TOGARAM1: variants seen among roughly 807,000 people sequenced by gnomAD.
TOGARAM1 encodes the protein TOG array regulator of axonemal microtubules 1.
In TOGARAM1, 100 loss-of-function variants were observed where a neutral mutation model predicts 166.6. That is an observed-to-expected ratio of 0.60 (90% CI 0.51 to 0.71). TOGARAM1 has a LOEUF of 0.71. TOGARAM1 is among the 30% of genes least tolerant of loss of function. The pLI, the probability that TOGARAM1 is intolerant of heterozygous loss-of-function variation, is 0.00. For synonymous variants in TOGARAM1, 758 were observed against 763.8 expected (o/e 0.99, Z 0.13); for missense variants, 2,029 against 2,102.7 (o/e 0.96, Z 0.69).
intron 16 of TOGARAM1, 71 bp downstream of exon 16, chr14:45,054,620 A>G: frequency 1.8e-6 from 2 of 1,138,568 alleles, no homozygotes; most frequent in Non-Finnish European, 2.5e-6. Flanking sequence ...GGATGTTTTC[A>G]TAAACTACCC....
At position 44,962,325 on chromosome 14, in the gene TOGARAM1, A is replaced by C; in HGVS notation, c.-97A>C. On this transcript the variant is annotated 5_prime_UTR_variant, in exon 1 of 20. Transcript: ENST00000361462. ...GAAGCTGTTCTTTTGCCTCTTCTGC[A>C]GCTTGGGGCTTGGAGAGGATCTGGA... The C allele has an allele frequency of 7.1e-7, 1 of 1,403,010 alleles. No individual in the cohort carries two copies. Among genetic ancestry groups the C allele is most frequent in the Non-Finnish European group, 9.4e-7 (1 of 1,066,854 alleles). 86.9% of individuals were successfully genotyped at this position (1,403,010 alleles called of 1,614,324 possible).
At chr14:45,069,111 T>C (rs779763269) in intron 18 of TOGARAM1, among the ~76,000 whole-genome samples, 1 of 152,090 alleles carries the variant, frequency 6.6e-6, no homozygotes, top group Non-Finnish European at 1.5e-5. Flanking sequence ...TCCTATAATC[T>C]CAGCCCTTTG....
chr14:45,024,034 C>T (rs962372933), intron 7 of TOGARAM1, among the ~76,000 whole-genome samples: 1 of 152,222 alleles, frequency 6.6e-6, no homozygotes, highest in Admixed American at 6.5e-5. Flanking sequence ...AGCCACCATG[C>T]CTGGCCCCAT....
intron 1 of TOGARAM1, among the ~76,000 whole-genome samples, chr14:44,991,518 TC>T (rs1210777781): frequency 1.3e-5 from 2 of 152,190 alleles, no homozygotes. Flanking sequence ...ACTCAATAGT[TC>T]CGTTTTTAGG....
chr14:44,994,917 T>C (rs1178582317), intron 1 of TOGARAM1, among the ~76,000 whole-genome samples: 1 of 152,242 alleles, frequency 6.6e-6, no homozygotes, highest in Non-Finnish European at 1.5e-5. Context: ...TCACCACATC[T>C]AGATTTGATT....
rs1343728074 is a variant in TOGARAM1 at position 45,028,031 on chromosome 14, A to G, written c.3505-145A>G. 1.3e-5 allele frequency: 7 copies of G among 545,746 alleles called. No individual in the cohort carries two copies. The Admixed American group carries it at 1.4e-4, about 11-fold the overall frequency. The allele number at this position is 545,746 out of a possible 1,614,324, so 33.8% of individuals were successfully genotyped here. A position where few individuals can be genotyped will look rare whatever the true frequency, so the allele number is the denominator to read the frequency against. On this transcript the variant is annotated intron_variant, in intron 9 of 19. Coordinates refer to ENST00000361462, the MANE Select transcript of TOGARAM1 (RefSeq NM_001308120.2). ...TTTTACATGTACTATATATACATAT[A>G]TATGTATGGGTATATTCTGTTTTCT... is the stretch of plus-strand genomic sequence containing the variant.
rs972405292 is a variant in TOGARAM1 at position 45,015,315 on chromosome 14, T to A, written c.3238+3240T>A. ...GCAAGAGCCTATCTCAAAAAATAAA[T>A]AAATAAATAAATAAATAAATAAATA... On this transcript the variant is annotated intron_variant, in intron 7 of 19. Coordinates refer to ENST00000361462, the MANE Select transcript of TOGARAM1 (RefSeq NM_001308120.2). Among the ~76,000 whole-genome samples, 180 of 119,738 alleles carry A rather than the reference T, an allele frequency of 1.5e-3. 2 individuals are homozygous for A. Among genetic ancestry groups the A allele is most frequent in the Non-Finnish European group, 2.1e-3 (124 of 58,616 alleles). The allele number at this position is 119,738 out of a possible 152,430, so 78.6% of individuals were successfully genotyped here.
intron 3 of TOGARAM1, among the ~76,000 whole-genome samples, chr14:45,003,461 AATAGTTTCCGTAAGT>A (rs1254419496): frequency 6.6e-6 from 1 of 152,064 alleles, no homozygotes; most frequent in African/African-American, 2.4e-5. Context: ...CAAATGTATG[AATAGTTTCCGTAAGT>A]ATAAATTGGC....
chr14:45,001,407 T>C (rs1419179885), intron 3 of TOGARAM1, among the ~76,000 whole-genome samples: 1 of 152,142 alleles, frequency 6.6e-6, no homozygotes, highest in East Asian at 1.9e-4. Flanking sequence ...ACAAATGGGA[T>C]CACATTTAGC....
chr14:44,970,588 T>G (rs1294247069), intron 1 of TOGARAM1, among the ~76,000 whole-genome samples: 1 of 152,148 alleles, frequency 6.6e-6, no homozygotes, highest in Non-Finnish European at 1.5e-5. Context: ...TGAAAAGCAG[T>G]GATGAGAGAG....
chr14:45,022,307 A>G (rs1594665126), intron 7 of TOGARAM1, among the ~76,000 whole-genome samples: 1 of 150,488 alleles, frequency 6.6e-6, no homozygotes, highest in Admixed American at 6.7e-5. Context: ...TATCTACCGA[A>G]ACTAGTAGAT....
At chr14:45,014,459 T>G (rs1380145816) in intron 7 of TOGARAM1, among the ~76,000 whole-genome samples, 2 of 152,184 alleles carry the variant, frequency 1.3e-5, no homozygotes. Flanking sequence ...TATTATTGAA[T>G]TCATTATATT....
At chr14:45,032,197 A>T (rs1881201094) in intron 10 of TOGARAM1, 26 bp from the exon 11 acceptor site, 1 of 1,583,760 alleles carries the variant, frequency 6.3e-7, no homozygotes, top group Non-Finnish European at 8.5e-7. Flanking sequence ...GTTCTCTCAT[A>T]GTTTATTTAA....
At chr14:44,981,638 T>C (rs977063240) in intron 1 of TOGARAM1, among the ~76,000 whole-genome samples, 25 of 152,294 alleles carry the variant, frequency 1.6e-4, no homozygotes, top group South Asian at 1.4e-3. Flanking sequence ...AAAAAAGTTA[T>C]ACATGCTCAT....
intron 1 of TOGARAM1, among the ~76,000 whole-genome samples, chr14:44,987,583 A>G (rs1886899399): frequency 6.6e-6 from 1 of 151,652 alleles, no homozygotes; most frequent in African/African-American, 2.4e-5. Flanking sequence ...TAGAATGGCA[A>G]TCATTAAAAA....
chr14:44,986,688 G>A (rs1218083658), intron 1 of TOGARAM1, among the ~76,000 whole-genome samples: 2 of 151,480 alleles, frequency 1.3e-5, no homozygotes, highest in African/African-American at 4.8e-5. Context: ...CTTTTACCAA[G>A]TGACTGAGGT....
intron 17 of TOGARAM1, among the ~76,000 whole-genome samples, chr14:45,067,764 ATAAG>A (rs1387730555): frequency 1.3e-5 from 2 of 152,130 alleles, no homozygotes; most frequent in Non-Finnish European, 2.9e-5. Context: ...AAAATAATAA[ATAAG>A]TATTAGAAAT....
chr14:45,007,398 T>C (rs568518722), intron 5 of TOGARAM1: 1 of 151,864 alleles, frequency 6.6e-6, no homozygotes, highest in Non-Finnish European at 1.5e-5. Flanking sequence ...AAGAAACATA[T>C]AGAAAAGACA....
In TOGARAM1 at chr14:45,073,487, G is replaced by A. The variant is rs1883474435; in HGVS notation, c.5248G>A (p.Ala1750Thr). Reference protein sequence around the residue: ...AQMGQNLLNQAASQPPHIKKS... With the variant: ...AQMGQNLLNQTASQPPHIKKS... ...GATGGGTCAGAATCTGTTAAATCAG[G>A]CTGCATCTCAACCACCACATATCAA... Residue 1750 changes from alanine (A) to threonine (T), a missense_variant, in exon 20 of 20, where the codon GCT becomes ACT. Coordinates refer to ENST00000361462, the MANE Select transcript of TOGARAM1 (RefSeq NM_001308120.2). 6.2e-7 allele frequency: 1 copy of A among 1,614,052 alleles called. No individual in the cohort carries two copies. Among genetic ancestry groups the A allele is most frequent in the Non-Finnish European group, 8.5e-7 (1 of 1,180,012 alleles).
Sources: gnomAD v4.1 joint callset for allele counts (sites outside exome capture counted in the v4.1 genomes callset) on GRCh38, gnomAD v4.1.1 for gene constraint, MANE v1.5 for transcripts, NCBI Gene and HGNC (gene_info 2026-07-23, HGNC 2026-07-21) for gene names.